ERCC2: variants seen among roughly 807,000 people sequenced by gnomAD.
ERCC2 encodes ERCC excision repair 2, TFIIH core complex helicase subunit, also known as general transcription and DNA repair factor IIH helicase subunit XPD.
Under a neutral mutation model 99.4 loss-of-function variants are expected in ERCC2, and 90 were observed. The ratio of observed to expected loss-of-function variants is 0.91; its 90% confidence interval spans 0.76 to 1.08. ERCC2 has a LOEUF of 1.08. ERCC2 is among the 50% of genes least tolerant of loss of function. The probability of loss-of-function intolerance (pLI) is 0.00; values close to 1 mark genes in which losing one functional copy is unlikely to be tolerated. For synonymous variants in ERCC2, 497 were observed against 432.4 expected, an observed-to-expected ratio of 1.15 and a Z score of -1.85; for missense variants, 993 against 1,038.1, an observed-to-expected ratio of 0.96 and a Z score of 0.60.
At chr19:45,359,460 G>A (rs912794595) in intron 12 of ERCC2, among the ~76,000 whole-genome samples, 2 of 152,188 alleles carry the variant, frequency 1.3e-5, no homozygotes, top group African/African-American at 4.8e-5. Context: ...GGGTACAGGA[G>A]AAACCCCCAG....
chr19:45,370,176 T>C lies in ERCC2; in HGVS notation c.62A>G (p.Gln21Arg). The change falls in exon 2 of 23, where the codon CAG (glutamine) becomes CGG (arginine). Residue 21 changes from glutamine to arginine, a missense_variant. Physicochemically the swap from Gln to Arg is conservative, Grantham distance 43. This residue lies in a region of ERCC2 where 55 missense variants were observed against 45.1 expected (regional missense o/e 1.22). Coordinates refer to ENST00000391945, the MANE Select transcript of ERCC2 (RefSeq NM_000400.4). ...YFPYDYIYPEQFSYMRELKRT... is the reference protein window; with the variant it reads ...YFPYDYIYPERFSYMRELKRT... ...TTTGAGCTCCCGCATGTAGGAGAACTGCTCGGGGTAGATGTAGTCGTACGG... is the reference window on the plus strand; with the variant it reads ...TTTGAGCTCCCGCATGTAGGAGAACCGCTCGGGGTAGATGTAGTCGTACGG... 4 of 1,613,418 alleles carry C rather than the reference T, an allele frequency of 2.5e-6. No homozygotes were observed. Among genetic ancestry groups the C allele is most frequent in the Non-Finnish European group, 3.4e-6 (4 of 1,179,472 alleles).
chr19:45,351,514 CAGTG>C lies in ERCC2; in HGVS notation c.*111_*114del, dbSNP rs1334869025. 2 of 1,599,646 alleles carry C rather than the reference CAGTG, an allele frequency of 1.3e-6. No individual in the cohort carries two copies. The highest frequency in any genetic ancestry group is 1.7e-6 in the Non-Finnish European group (2 of 1,177,730). On this transcript the variant is annotated 3_prime_UTR_variant, in exon 23 of 23. Coordinates refer to ENST00000391945, the MANE Select transcript of ERCC2 (RefSeq NM_000400.4). ...CTGCGATTAAAGGCTGTGGACGTGACAGTGAGAAATGTCACCTGACTTCATAAGA... is the reference window on the plus strand; with the variant it reads ...CTGCGATTAAAGGCTGTGGACGTGACAGAAATGTCACCTGACTTCATAAGA...
At chr19:45,357,838 G>T (rs1299798248) in intron 12 of ERCC2, 139 bp from the exon 13 acceptor site, 51 of 780,636 alleles carry the variant, frequency 6.5e-5, no homozygotes, top group Non-Finnish European at 1.0e-4. Flanking sequence ...GACCAAACAT[G>T]ACTGCTTAAG....
In ERCC2 at chr19:45,350,542, C is replaced by A; in HGVS notation, c.*1087G>T. On this transcript the variant is annotated 3_prime_UTR_variant, in exon 23 of 23. Transcript: ENST00000391945. ...CCCCCAACACAGGCACAGCTGGTGACGCAGAACAGGTGAGGATGGGCTGTG... is the reference window on the plus strand; with the variant it reads ...CCCCCAACACAGGCACAGCTGGTGAAGCAGAACAGGTGAGGATGGGCTGTG... The A allele has an allele frequency of 6.2e-7, 1 of 1,613,888 alleles. No individual in the cohort carries two copies. Among genetic ancestry groups the A allele is most frequent in the Non-Finnish European group, 8.5e-7 (1 of 1,179,954 alleles).
Position 45,364,960 on chromosome 19 carries a change from A to C in ERCC2, c.478-6T>G. 6.2e-7 allele frequency: 1 copy of C among 1,613,480 alleles called. No homozygotes were observed. The highest frequency in any genetic ancestry group is 8.5e-7 in the Non-Finnish European group (1 of 1,179,474). ...CGCCCATGGGCATCAAATTCCTGGGACAAGAGTGCCAGGGGTCAGGGAGGC... is the reference window on the plus strand; with the variant it reads ...CGCCCATGGGCATCAAATTCCTGGGCCAAGAGTGCCAGGGGTCAGGGAGGC... On this transcript the variant is annotated splice_polypyrimidine_tract_variant and splice_region_variant and intron_variant, in intron 6 of 22. Transcript: ENST00000391945.
intron 11 of ERCC2, 182 bp from the exon 12 acceptor site, chr19:45,361,824 A>G (rs1386980321): frequency 9.3e-6 from 6 of 642,910 alleles, no homozygotes; most frequent in African/African-American, 1.8e-5. Context: ...CATGTCACAA[A>G]TAGCCATTGC....
At position 45,364,752 on chromosome 19, in the gene ERCC2, AACAG is replaced by A. The variant is rs1169680601; in HGVS notation, c.594+82_594+85del. The A allele has an allele frequency of 5.5e-6, 7 of 1,283,530 alleles. No homozygotes were observed. In the East Asian group the frequency reaches 1.6e-4, roughly 30 times the overall value. The allele number at this position is 1,283,530 out of a possible 1,614,324, so 79.5% of individuals were successfully genotyped here. On this transcript the variant is annotated intron_variant, in intron 7 of 22. Coordinates refer to ENST00000391945, the MANE Select transcript of ERCC2 (RefSeq NM_000400.4). ...GCAGACAGGCAGACTCACAGCAAGC[AACAG>A]ACAGACATGGGCAGACAGGAGACGG...
chr19:45,359,336 C>G (rs547368969), intron 12 of ERCC2, among the ~76,000 whole-genome samples: 21 of 152,294 alleles, frequency 1.4e-4, no homozygotes, highest in African/African-American at 4.8e-4. Flanking sequence ...GACAGAGAGA[C>G]AGAGGCAGAA....
At position 45,357,484 on chromosome 19, in the gene ERCC2, A is replaced by G. The variant is rs1972052102; in HGVS notation, c.1367T>C (p.Ile456Thr). The change falls in exon 14 of 23, where the codon ATC becomes ACC. Residue 456 changes from isoleucine (I) to threonine (T), a missense_variant. By Grantham distance (89) the Ile-to-Thr change is moderately conservative. Transcript: ENST00000391945. ...GGGAAGGGTCCTTACCCCAGATGTG[A>G]TGATGACAGACTGGAAACGCTCAAA... ...PVFERFQSVIITSGTLSPLDI... is the reference protein window; with the variant it reads ...PVFERFQSVITTSGTLSPLDI... The G allele has an allele frequency of 2.5e-6, 4 of 1,614,114 alleles. No homozygotes were observed. The highest frequency in any genetic ancestry group is 2.5e-6 in the Non-Finnish European group (3 of 1,179,966).
Position 45,352,122 on chromosome 19 carries a change from A to AGGGTGGG in ERCC2, c.2190+80_2190+86dup, listed in dbSNP as rs3038768. On this transcript the variant is annotated intron_variant, in intron 22 of 22. Coordinates refer to ENST00000391945, the MANE Select transcript of ERCC2 (RefSeq NM_000400.4). Reference sequence around the variant, plus strand: ...TGAGGGCAGGAGGACAGGCAGGCTGAGGGTGGGGAGTGGGGAGAATCCAAG... The same window carrying AGGGTGGG: ...TGAGGGCAGGAGGACAGGCAGGCTGAGGGTGGGGGGTGGGGAGTGGGGAGAATCCAAG... 1.5e-3 allele frequency: 2,123 copies of AGGGTGGG among 1,437,434 alleles called. 51 individuals are homozygous for AGGGTGGG. In the East Asian group the frequency reaches 0.041, roughly 28 times the overall value. The allele number at this position is 1,437,434 out of a possible 1,614,324, so 89.0% of individuals were successfully genotyped here.
At chr19:45,359,025 C>T (rs943419631) in intron 12 of ERCC2, 4 of 632,238 alleles carry the variant, frequency 6.3e-6, no homozygotes, top group Non-Finnish European at 1.1e-5. Context: ...CCAGCCTTGC[C>T]CCTGCTCGCA....
chr19:45,370,472 G>A (rs1599753308), intron 1 of ERCC2, 64 bp downstream of exon 1: 3 of 1,120,742 alleles, frequency 2.7e-6, no homozygotes, highest in South Asian at 1.7e-5. Context: ...CGCGCCCACC[G>A]ATGACCCCAT....
In ERCC2 at chr19:45,353,314, C is replaced by T; in HGVS notation, c.1686G>A (p.Gln562=). ...TCTCAATAAAGAGCAGCTTGTTCCT[C>T]TGGATGTTCTCAAGGATCCCCTGGG... The part of the protein sequence containing the change: ...WYEQGILENI[Q]RNKLLFIETQ... The change falls in exon 18 of 23, where the codon CAG becomes CAA. Residue 562 remains glutamine, a synonymous_variant. Transcript: ENST00000391945. 6.2e-7 allele frequency: 1 copy of T among 1,613,978 alleles called. No individual in the cohort carries two copies.
At chr19:45,353,434 C>A (rs1971897961) in intron 17 of ERCC2, 100 bp from the exon 18 acceptor site, 1 of 777,358 alleles carries the variant, frequency 1.3e-6, no homozygotes, top group Non-Finnish European at 2.2e-6. Context: ...GTCTCTGGGC[C>A]TCAGCTGGCT....
rs1971706326 is a variant in ERCC2, at chr19:45,350,731, G to GC, written c.*897dup. On this transcript the variant is annotated 3_prime_UTR_variant, in exon 23 of 23. Coordinates refer to ENST00000391945, the MANE Select transcript of ERCC2 (RefSeq NM_000400.4). Reference sequence around the variant, plus strand: ...GGTCTCCCGGCTCCGAGGCGAGGCGGCGGCAGGAGCAGCCGGGTGAGTGTT... The same window carrying GC: ...GGTCTCCCGGCTCCGAGGCGAGGCGGCCGGCAGGAGCAGCCGGGTGAGTGTT... The GC allele has an allele frequency of 1.2e-6, 2 of 1,612,354 alleles. No individual in the cohort carries two copies. The highest frequency in any genetic ancestry group is 1.7e-6 in the Non-Finnish European group (2 of 1,179,496).
intron 22 of ERCC2, 69 bp downstream of exon 22, chr19:45,352,140 A>G: frequency 1.3e-6 from 2 of 1,558,640 alleles, no homozygotes; most frequent in Non-Finnish European, 1.8e-6. Context: ...GAGTGGGGAG[A>G]ATCCAAGGGG....
Position 45,364,535 on chromosome 19 carries a change from T to C in ERCC2, c.607A>G (p.Asn203Asp), listed in dbSNP as rs1972354891. ...TAGTGGTAGCTATAAACCACCACAT[T>C]GGCATGCAGGATCTGGGGGGCCGGG... ...FLARYSILHA[N>D]VVVYSYHYLL... The change falls in exon 8 of 23, where the codon AAT (asparagine) becomes GAT (aspartate). Residue 203 changes from asparagine to aspartate, a missense_variant. Physicochemically the swap from Asn to Asp is conservative, Grantham distance 23 (BLOSUM62 1). This residue lies in a region of ERCC2 where 909 missense variants were observed against 930.8 expected (regional missense o/e 0.98). Coordinates refer to ENST00000391945, the MANE Select transcript of ERCC2 (RefSeq NM_000400.4). The C allele has an allele frequency of 6.2e-7, 1 of 1,613,252 alleles. No homozygotes were observed. The highest frequency in any genetic ancestry group is 8.5e-7 in the Non-Finnish European group (1 of 1,179,962).
chr19:45,363,720 CCG>C lies in ERCC2; in HGVS notation c.1118+21_1118+22del, dbSNP rs763506313. ...AACCGGGACCTGCCGGGCCCCCACC[CCG>C]CGCGCTGTCTGGGGCCGCACCTGAG... On this transcript the variant is annotated intron_variant, in intron 11 of 22. Transcript: ENST00000391945. The C allele has an allele frequency of 9.8e-6, 15 of 1,525,780 alleles. No homozygotes were observed. The East Asian group carries it at 1.2e-4, about 13-fold the overall frequency. The allele number at this position is 1,525,780 out of a possible 1,614,324, so 94.5% of individuals were successfully genotyped here.
At chr19:45,360,237 C>T (rs984421378) in intron 12 of ERCC2, among the ~76,000 whole-genome samples, 12 of 151,934 alleles carry the variant, frequency 7.9e-5, no homozygotes, top group East Asian at 3.9e-4. Context: ...CCCGCCACCA[C>T]GCCCAGCTAA....
Sources: gnomAD v4.1 joint callset for allele counts (sites outside exome capture counted in the v4.1 genomes callset) on GRCh38, gnomAD v4.1.1 for gene constraint, gnomAD v4.1.1 regional missense constraint, MANE v1.5 for transcripts, NCBI Gene and HGNC (gene_info 2026-07-23, HGNC 2026-07-21) for gene names.